Variants in LRRC8C observed in about 807,000 individuals in gnomAD.
LRRC8C encodes the protein leucine rich repeat containing 8 VRAC subunit C, also known as volume-regulated anion channel subunit LRRC8C.
Under a neutral mutation model 55.3 loss-of-function variants are expected in LRRC8C, and 20 were observed. That is an observed-to-expected ratio of 0.36 (90% CI 0.25 to 0.53). LRRC8C has a LOEUF of 0.53. LRRC8C is among the 20% of genes least tolerant of loss of function. The probability of loss-of-function intolerance (pLI) is 0.92; values close to 1 mark genes in which losing one functional copy is unlikely to be tolerated. For missense variants in LRRC8C, 659 were observed against 951.4 expected, an observed-to-expected ratio of 0.69 and a Z score of 4.04; for synonymous variants, 376 against 360.7, an observed-to-expected ratio of 1.04 and a Z score of -0.48.
chr1:89,659,051 TTTTTTTTTTTTG>T (rs61570058), intron 1 of LRRC8C, among the ~76,000 whole-genome samples: 27 of 35,464 alleles, frequency 7.6e-4, no homozygotes, highest in African/African-American at 2.0e-3. Context: ...TCTCCAGGTT[TTTTTTTTTTTTG>T]TGTGTGTGTG....
chr1:89,709,752 T>G (rs572893479), intron 2 of LRRC8C, among the ~76,000 whole-genome samples: 402 of 26,708 alleles, frequency 0.015, 4 homozygotes, highest in African/African-American at 0.038. Context: ...TTTTTTTTTG[T>G]TTGTTTTTTT....
chr1:89,674,082 C>A (rs1331678224), intron 1 of LRRC8C, among the ~76,000 whole-genome samples: 1 of 152,160 alleles, frequency 6.6e-6, no homozygotes, highest in Non-Finnish European at 1.5e-5. Flanking sequence ...TTGGCCTTTG[C>A]TATCATGCAA....
At chr1:89,690,125 G>A (rs1657989570) in intron 2 of LRRC8C, among the ~76,000 whole-genome samples, 1 of 152,136 alleles carries the variant, frequency 6.6e-6, no homozygotes, top group South Asian at 2.1e-4. Flanking sequence ...GGAGGAACGA[G>A]GTGAAGATCC....
intron 1 of LRRC8C, among the ~76,000 whole-genome samples, chr1:89,677,763 C>A (rs1293420686): frequency 3.9e-5 from 6 of 152,140 alleles, no homozygotes; most frequent in Admixed American, 3.3e-4. Context: ...TAATTAAATA[C>A]ATTTCTACAG....
At chr1:89,644,279 G>C (rs1036842979) in intron 1 of LRRC8C, among the ~76,000 whole-genome samples, 11 of 152,214 alleles carry the variant, frequency 7.2e-5, no homozygotes, top group Non-Finnish European at 1.6e-4. Flanking sequence ...GGCTCAGGCA[G>C]TTCTCCCACC....
At chr1:89,628,748 T>G (rs909610704), upstream of LRRC8C, among the ~76,000 whole-genome samples, 20 of 152,212 alleles carry the variant, frequency 1.3e-4, no homozygotes, top group Admixed American at 1.0e-3. Context: ...GGTCTTAATT[T>G]CTTTATGGCC....
the LRRC8C span, among the ~76,000 whole-genome samples, chr1:89,625,464 G>T: frequency 6.6e-6 from 1 of 152,138 alleles, no homozygotes; most frequent in Non-Finnish European, 1.5e-5. Context: ...ACTGAGAAGG[G>T]AAATCAGGCT....
chr1:89,658,856 G>A (rs1443271716), intron 1 of LRRC8C, among the ~76,000 whole-genome samples: 1 of 152,112 alleles, frequency 6.6e-6, no homozygotes, highest in East Asian at 1.9e-4. Context: ...ATAAGCGCCT[G>A]ACCAAGAGGC....
intron 2 of LRRC8C, among the ~76,000 whole-genome samples, chr1:89,689,868 G>C (rs546372943): frequency 5.3e-5 from 8 of 152,138 alleles, no homozygotes; most frequent in African/African-American, 1.7e-4. Flanking sequence ...CTGAACCCGG[G>C]AGGCAAAGGT....
intron 1 of LRRC8C, among the ~76,000 whole-genome samples, chr1:89,681,306 C>G (rs1355490977): frequency 1.3e-5 from 2 of 152,172 alleles, no homozygotes; most frequent in Admixed American, 1.3e-4. Context: ...ATTGAGCAAG[C>G]AAAAGGTCTA....
Position 89,665,262 on chromosome 1 carries a change from G to A in LRRC8C, c.-4-21208G>A, listed in dbSNP as rs200275755. Among the ~76,000 whole-genome samples, 6 of 152,126 alleles carry A rather than the reference G, an allele frequency of 3.9e-5. No homozygotes were observed. The East Asian group carries it at 1.2e-3, about 29-fold the overall frequency. ...GCCCGTTCATTATGATATTGGCTGT[G>A]GGTTTGTCATAAATAGCTCTTATTA... On this transcript the variant is annotated intron_variant, in intron 1 of 2. Transcript: ENST00000370454.
Position 89,714,832 on chromosome 1 carries a change from T to C in LRRC8C, c.2262T>C (p.Leu754=), listed in dbSNP as rs1407431857. Residue 754 remains leucine (L), a synonymous_variant, in exon 3 of 3, where the codon CTT becomes CTC. Transcript: ENST00000370454. This position sits in a 1 kb window ranked among gnomAD's most constrained non-coding sequence, Gnocchi z 4.6. ...CGAAAATTGGAAATTTGCTATTTCTTTCCTACTTAGATGTAAAAGGTAATC... is the reference window on the plus strand; with the variant it reads ...CGAAAATTGGAAATTTGCTATTTCTCTCCTACTTAGATGTAAAAGGTAATC... The part of the protein sequence containing the change: ...LSPKIGNLLF[L]SYLDVKGNHF... 1 of 1,614,162 alleles carries C rather than the reference T, an allele frequency of 6.2e-7. No homozygotes were observed. The highest frequency in any genetic ancestry group is 1.7e-5 in the Admixed American group (1 of 60,024).
the LRRC8C span, among the ~76,000 whole-genome samples, chr1:89,624,084 G>C: frequency 6.6e-6 from 1 of 152,212 alleles, no homozygotes; most frequent in African/African-American, 2.4e-5. Context: ...GATGCAAAGA[G>C]AGCGAGAAAG....
the LRRC8C span, among the ~76,000 whole-genome samples, chr1:89,619,984 T>C: frequency 6.6e-6 from 1 of 152,212 alleles, no homozygotes; most frequent in Non-Finnish European, 1.5e-5. Context: ...AGTAGTTTAG[T>C]CCCTTTGGAC....
intron 1 of LRRC8C, among the ~76,000 whole-genome samples, chr1:89,655,267 GTGTT>G (rs1232838554): frequency 6.6e-6 from 1 of 151,414 alleles, no homozygotes; most frequent in African/African-American, 2.4e-5. Flanking sequence ...TCTTTTCGGT[GTGTT>G]TATTTTATAA....
intron 2 of LRRC8C, among the ~76,000 whole-genome samples, chr1:89,707,614 G>A (rs1354405983): frequency 6.6e-6 from 1 of 150,838 alleles, no homozygotes; most frequent in Non-Finnish European, 1.5e-5. Context: ...TCTACAAAAT[G>A]CATTCATAAA....
At chr1:89,639,738 C>T (rs958032882) in intron 1 of LRRC8C, among the ~76,000 whole-genome samples, 27 of 152,168 alleles carry the variant, frequency 1.8e-4, no homozygotes. Flanking sequence ...CATAGCTGCT[C>T]AATAAATAAT....
chr1:89,642,998 A>G (rs1464905232), intron 1 of LRRC8C, among the ~76,000 whole-genome samples: 1 of 147,302 alleles, frequency 6.8e-6, no homozygotes, highest in Non-Finnish European at 1.5e-5. Flanking sequence ...AACCTGGGTA[A>G]GAGAGTGAGA....
At chr1:89,657,355 G>A (rs1213292054) in intron 1 of LRRC8C, among the ~76,000 whole-genome samples, 1 of 152,144 alleles carries the variant, frequency 6.6e-6, no homozygotes, top group East Asian at 1.9e-4. Context: ...TTACTATATT[G>A]TTGGTATCCT....
Sources: gnomAD v4.1 joint callset for allele counts (sites outside exome capture counted in the v4.1 genomes callset) on GRCh38, gnomAD v4.1.1 for gene constraint, Gnocchi (gnomAD v3.1) non-coding constraint, MANE v1.5 for transcripts, NCBI Gene and HGNC (gene_info 2026-07-23, HGNC 2026-07-21) for gene names.